The following DRC11 variants were observed in gnomAD, a reference collection of about 807,000 sequenced individuals.
DRC11 encodes dynein regulatory complex subunit 11.
chr2:236,446,003 T>C, the DRC11 span, among the ~76,000 whole-genome samples: 6 of 152,284 alleles, frequency 3.9e-5, no homozygotes, highest in African/African-American at 1.4e-4. This position sits in a 1 kb window ranked among gnomAD's most constrained non-coding sequence, Gnocchi z 6.2. Flanking sequence ...CTGTCTCTTC[T>C]TGGCCCCTTC....
At chr2:236,485,059 T>C in the DRC11 span, among the ~76,000 whole-genome samples, 2 of 152,200 alleles carry the variant, frequency 1.3e-5, no homozygotes, top group South Asian at 4.1e-4. Flanking sequence ...TGCTACATGG[T>C]TGTTTTATTA....
At chr2:236,360,323 G>C in the DRC11 span, among the ~76,000 whole-genome samples, 7 of 152,136 alleles carry the variant, frequency 4.6e-5, no homozygotes, top group African/African-American at 1.7e-4. The surrounding 1 kb of genome is among the most constrained non-coding windows in gnomAD (Gnocchi z 5.8). Flanking sequence ...CAGTAAAATG[G>C]GTATAATGAA....
At chr2:236,451,374 T>G in the DRC11 span, among the ~76,000 whole-genome samples, 5 of 151,500 alleles carry the variant, frequency 3.3e-5, no homozygotes, top group South Asian at 2.1e-4. Context: ...TATATATATA[T>G]ATAGATATAT....
At chr2:236,370,848 G>A in the DRC11 span, among the ~76,000 whole-genome samples, 1 of 151,876 alleles carries the variant, frequency 6.6e-6, no homozygotes, top group Non-Finnish European at 1.5e-5. This position sits in a 1 kb window ranked among gnomAD's most constrained non-coding sequence, Gnocchi z 5.5. Context: ...GGGCCTGGAG[G>A]AAGGTGTTGT....
chr2:236,357,195 T>A, the DRC11 span, among the ~76,000 whole-genome samples: 1 of 101,200 alleles, frequency 9.9e-6, no homozygotes, highest in Non-Finnish European at 1.9e-5. Flanking sequence ...TCATATATAT[T>A]ATAAATTATA....
At chr2:236,477,426 C>A in the DRC11 span, among the ~76,000 whole-genome samples, 1 of 152,138 alleles carries the variant, frequency 6.6e-6, no homozygotes, top group African/African-American at 2.4e-5. Context: ...TTCATCCTCA[C>A]TGTCTTCAAA....
the DRC11 span, among the ~76,000 whole-genome samples, chr2:236,401,644 A>T: frequency 6.6e-6 from 1 of 152,202 alleles, no homozygotes; most frequent in Non-Finnish European, 1.5e-5. This position sits in a 1 kb window ranked among gnomAD's most constrained non-coding sequence, Gnocchi z 4.6. Flanking sequence ...GTGAAGACCT[A>T]GGCTGAGAGC....
At chr2:236,363,868 G>T in the DRC11 span, 1 of 1,613,930 alleles carries the variant, frequency 6.2e-7, no homozygotes, top group Non-Finnish European at 8.5e-7. The surrounding 1 kb of genome is among the most constrained non-coding windows in gnomAD (Gnocchi z 5.6). Flanking sequence ...GAAGAGGTTG[G>T]CTCCCGTTTC....
the DRC11 span, among the ~76,000 whole-genome samples, chr2:236,316,445 G>A: frequency 2.6e-5 from 4 of 152,164 alleles, no homozygotes; most frequent in Non-Finnish European, 5.9e-5. The surrounding 1 kb of genome is among the most constrained non-coding windows in gnomAD (Gnocchi z 6.8). Context: ...TTACAGGCAT[G>A]AGCCACCGCA....
At chr2:236,446,790 C>CA in the DRC11 span, among the ~76,000 whole-genome samples, 3 of 152,230 alleles carry the variant, frequency 2.0e-5, no homozygotes, top group Non-Finnish European at 4.4e-5. The surrounding 1 kb of genome is among the most constrained non-coding windows in gnomAD (Gnocchi z 6.2). Context: ...ACACACTCCT[C>CA]AGGCCTCAGG....
chr2:236,309,819 C>T, the DRC11 span, among the ~76,000 whole-genome samples: 1 of 152,182 alleles, frequency 6.6e-6, no homozygotes, highest in African/African-American at 2.4e-5. The surrounding 1 kb of genome is among the most constrained non-coding windows in gnomAD (Gnocchi z 5.7). Flanking sequence ...TCCACCTCCT[C>T]ATCCAGCTCT....
the DRC11 span, among the ~76,000 whole-genome samples, chr2:236,449,569 G>A: frequency 6.6e-6 from 1 of 152,188 alleles, no homozygotes; most frequent in South Asian, 2.1e-4. The surrounding 1 kb of genome is among the most constrained non-coding windows in gnomAD (Gnocchi z 5.1). Context: ...TTGCACTGTC[G>A]GAGGCTGTGT....
chr2:236,324,889 T>C, the DRC11 span: 3 of 793,958 alleles, frequency 3.8e-6, no homozygotes, highest in Non-Finnish European at 6.2e-6. The surrounding 1 kb of genome is among the most constrained non-coding windows in gnomAD (Gnocchi z 5.7). Flanking sequence ...CAAGCAGCCA[T>C]TGTACTTTGG....
chr2:236,346,945 T>C, the DRC11 span, among the ~76,000 whole-genome samples: 1 of 152,190 alleles, frequency 6.6e-6, no homozygotes, highest in Non-Finnish European at 1.5e-5. Context: ...GAGGAGCATC[T>C]CAAGTGAGCA....
chr2:236,497,196 G>A, the DRC11 span: 49 of 1,612,248 alleles, frequency 3.0e-5, no homozygotes, highest in Non-Finnish European at 3.6e-5. The surrounding 1 kb of genome is among the most constrained non-coding windows in gnomAD (Gnocchi z 5.1). Flanking sequence ...GGATATCATC[G>A]AAATAATGGA....
the DRC11 span, among the ~76,000 whole-genome samples, chr2:236,401,161 C>T: frequency 1.3e-5 from 2 of 152,148 alleles, no homozygotes; most frequent in South Asian, 2.1e-4. The surrounding 1 kb of genome is among the most constrained non-coding windows in gnomAD (Gnocchi z 4.6). Flanking sequence ...CTCAGGAGTG[C>T]CCCCGCCCAC....
chr2:236,327,229 A>G, the DRC11 span, among the ~76,000 whole-genome samples: 1,510 of 152,286 alleles, frequency 9.9e-3, 30 homozygotes, highest in African/African-American at 0.034. Context: ...AGAAGCAGGT[A>G]TTATCATTTT....
the DRC11 span, chr2:236,419,328 T>A: frequency 2.7e-6 from 4 of 1,496,462 alleles, no homozygotes; most frequent in African/African-American, 5.7e-5. This position sits in a 1 kb window ranked among gnomAD's most constrained non-coding sequence, Gnocchi z 4.8. Context: ...AGAGAAGGAC[T>A]GTTTTCCCTG....
chr2:236,415,094 GA>G, the DRC11 span, among the ~76,000 whole-genome samples: 1 of 151,942 alleles, frequency 6.6e-6, no homozygotes, highest in Non-Finnish European at 1.5e-5. This position sits in a 1 kb window ranked among gnomAD's most constrained non-coding sequence, Gnocchi z 5.7. Context: ...GTGACATTCA[GA>G]AAATAACCTA....
Sources: gnomAD v4.1 joint callset for allele counts (sites outside exome capture counted in the v4.1 genomes callset) on GRCh38, gnomAD v4.1.1 for gene constraint, Gnocchi (gnomAD v3.1) non-coding constraint, MANE v1.5 for transcripts, NCBI Gene and HGNC (gene_info 2026-07-23, HGNC 2026-07-21) for gene names.